The following DMBX1 variants were observed in gnomAD, a reference collection of about 807,000 sequenced individuals.
DMBX1 encodes diencephalon/mesencephalon homeobox 1, also known as diencephalon/mesencephalon homeobox protein 1.
DMBX1 carries 7 observed loss-of-function variants against 30.4 expected under a neutral mutation model. The observed-to-expected ratio is 0.23, with a 90% CI of 0.13 to 0.43. The LOEUF (loss-of-function observed/expected upper bound fraction) is 0.43. Ranked by LOEUF, DMBX1 falls within the 20% of genes least tolerant of loss-of-function variation. The pLI, the probability that DMBX1 is intolerant of heterozygous loss-of-function variation, is 1.00. For missense variants in DMBX1, 460 were observed against 508.5 expected (o/e 0.90, Z 0.92); for synonymous variants, 222 against 214.2 (o/e 1.04, Z -0.32).
rs1181616678 is a variant in DMBX1, at chr1:46,493,789, A to G, written c.-13+3006A>G. Among the ~76,000 whole-genome samples the G allele has an allele frequency of 6.6e-6, 1 of 152,192 alleles. No individual in the cohort carries two copies. Among genetic ancestry groups the G allele is most frequent in the East Asian group, 1.9e-4 (1 of 5,184 alleles). On this transcript the variant is annotated intron_variant, in intron 2 of 5. Coordinates refer to ENST00000360032, the MANE Select transcript of DMBX1 (RefSeq NM_172225.2). The surrounding 1 kb of genome is among the most constrained non-coding windows in gnomAD (Gnocchi z 4.1). ...TACATCTGTCAGTGTGCAGAGCAGG[A>G]GCCGCAACCGCGCTTTCTGCGCCCG...
At chr1:46,501,250 C>CTTTCTTTCT (rs1666127697) in intron 2 of DMBX1, among the ~76,000 whole-genome samples, 1 of 132,164 alleles carries the variant, frequency 7.6e-6, no homozygotes, top group African/African-American at 3.0e-5. Context: ...TTCTTTCTTT[C>CTTTCTTTCT]TTTCTTTCTT....
chr1:46,505,527 A>C, intron 2 of DMBX1, among the ~76,000 whole-genome samples: 1 of 146,492 alleles, frequency 6.8e-6, no homozygotes, highest in Non-Finnish European at 1.5e-5. Flanking sequence ...GCATATTCTC[A>C]CTCATAGGTG....
rs1665967740 is a variant in DMBX1, at chr1:46,493,387, C to T, written c.-13+2604C>T. The stretch of plus-strand genomic sequence containing the variant: ...CCGAGCTGGGCTCTCCAATGTCCAG[C>T]CCTCCCGCCGTTCAGTGGCCTCTCT... On this transcript the variant is annotated intron_variant, in intron 2 of 5. Coordinates refer to ENST00000360032, the MANE Select transcript of DMBX1 (RefSeq NM_172225.2). The surrounding 1 kb of genome is among the most constrained non-coding windows in gnomAD (Gnocchi z 4.1). Among the ~76,000 whole-genome samples, 1 of 152,202 alleles carries T rather than the reference C, an allele frequency of 6.6e-6. No homozygotes were observed. Among genetic ancestry groups the T allele is most frequent in the Admixed American group, 6.5e-5 (1 of 15,276 alleles).
rs1220037373 is a variant in DMBX1 at position 46,513,469 on chromosome 1, G to T, written c.*975G>T. On this transcript the variant is annotated 3_prime_UTR_variant, in exon 6 of 6. Coordinates refer to ENST00000360032, the MANE Select transcript of DMBX1 (RefSeq NM_172225.2). Reference sequence around the variant, plus strand: ...TCAATTTTGAGGTCCTCATTCCCAAGATTGAGGAGGCAGTAGTTAATCTGG... The same window carrying T: ...TCAATTTTGAGGTCCTCATTCCCAATATTGAGGAGGCAGTAGTTAATCTGG... 6.6e-6 allele frequency: 1 copy of T among 152,216 alleles called. No homozygotes were observed. Among genetic ancestry groups the T allele is most frequent in the Non-Finnish European group, 1.5e-5 (1 of 68,052 alleles). The allele number at this position is 152,216 out of a possible 1,614,324, so 9.4% of individuals were successfully genotyped here.
intron 3 of DMBX1, among the ~76,000 whole-genome samples, chr1:46,508,043 C>T (rs894488557): frequency 1.3e-5 from 2 of 151,954 alleles, no homozygotes; most frequent in Admixed American, 6.6e-5. Context: ...GCCAGCCTCT[C>T]GGTGGGTGAG....
intron 5 of DMBX1, 22 bp downstream of exon 5, chr1:46,511,305 G>A: frequency 1.3e-6 from 2 of 1,512,938 alleles, no homozygotes; most frequent in Non-Finnish European, 1.8e-6. Context: ...GGGGTACCAT[G>A]GGAGGGCTGG....
intron 2 of DMBX1, among the ~76,000 whole-genome samples, chr1:46,499,417 G>A (rs1030224919): frequency 6.6e-6 from 1 of 152,222 alleles, no homozygotes; most frequent in Admixed American, 6.5e-5. Flanking sequence ...ATATGCTGGG[G>A]AAAGATCCTG....
intron 2 of DMBX1, among the ~76,000 whole-genome samples, chr1:46,494,288 C>T (rs1233982081): frequency 6.6e-6 from 1 of 152,238 alleles, no homozygotes; most frequent in Non-Finnish European, 1.5e-5. Context: ...TTTCCCTTTC[C>T]TGGCTGCATT....
chr1:46,489,915 A>G (rs4333800), intron 1 of DMBX1, among the ~76,000 whole-genome samples, 38 bp downstream of exon 1: 36,705 of 152,004 alleles, frequency 0.24, 4,775 homozygotes, highest in East Asian at 0.5. Flanking sequence ...AGCCGGGAGT[A>G]GTGCGGGACA....
At chr1:46,496,125 A>G (rs1165698725) in intron 2 of DMBX1, among the ~76,000 whole-genome samples, 1 of 152,142 alleles carries the variant, frequency 6.6e-6, no homozygotes, top group East Asian at 1.9e-4. Context: ...AGTGCCTGAT[A>G]CTGACAGGAG....
chr1:46,496,108 A>G (rs989758658), intron 2 of DMBX1, among the ~76,000 whole-genome samples: 59 of 152,134 alleles, frequency 3.9e-4, no homozygotes, highest in African/African-American at 1.4e-3. Context: ...GGCTTTCTGC[A>G]CCTTTGAGTG....
intron 2 of DMBX1, among the ~76,000 whole-genome samples, chr1:46,504,143 A>T (rs926985104): frequency 1.3e-5 from 2 of 150,774 alleles, no homozygotes; most frequent in Non-Finnish European, 3.0e-5. Context: ...GGTTGCAAAA[A>T]TTTTCTCCCA....
chr1:46,502,560 T>G (rs11801991), intron 2 of DMBX1, among the ~76,000 whole-genome samples: 4,051 of 152,234 alleles, frequency 0.027, 171 homozygotes, highest in African/African-American at 0.092. Context: ...TCTGCAGTTT[T>G]TTCTCTGTAT....
intron 2 of DMBX1, among the ~76,000 whole-genome samples, chr1:46,499,913 GTCA>G (rs1666092081): frequency 6.6e-6 from 1 of 152,154 alleles, no homozygotes; most frequent in South Asian, 2.1e-4. Flanking sequence ...TGTTGTTGTT[GTCA>G]TCATTGTGAT....
chr1:46,504,246 T>C (rs901645554), intron 2 of DMBX1, among the ~76,000 whole-genome samples: 31 of 145,676 alleles, frequency 2.1e-4, no homozygotes, highest in Non-Finnish European at 2.8e-4. Flanking sequence ...ATTTTGGCTT[T>C]TGTTGCCATT....
In DMBX1 at chr1:46,514,941, T is replaced by C. The variant is rs1489669205; in HGVS notation, c.*2447T>C. Among the ~76,000 whole-genome samples, 2 of 152,020 alleles carry C rather than the reference T, an allele frequency of 1.3e-5. No homozygotes were observed. The highest frequency in any genetic ancestry group is 2.9e-5 in the Non-Finnish European group (2 of 67,984). On this transcript the variant is annotated 3_prime_UTR_variant, in exon 6 of 6. Transcript: ENST00000360032. ...ACAAAGCAGCAGAGATGAGACTCAG[T>C]AGACCATGGGAAGGGGGTGGCTGGC...
At chr1:46,506,342 G>A (rs1427590514) in intron 2 of DMBX1, among the ~76,000 whole-genome samples, 1 of 152,260 alleles carries the variant, frequency 6.6e-6, no homozygotes, top group Non-Finnish European at 1.5e-5. Flanking sequence ...ACAGGCATGA[G>A]CCACTGTGCC....
At chr1:46,507,248 C>T in intron 3 of DMBX1, 84 bp downstream of exon 3, 1 of 1,540,194 alleles carries the variant, frequency 6.5e-7, no homozygotes. Flanking sequence ...GGAGAGGGAG[C>T]ACTGGCCAAG....
intron 5 of DMBX1, 29 bp downstream of exon 5, chr1:46,511,312 C>T (rs971559637): frequency 1.4e-5 from 21 of 1,499,170 alleles, no homozygotes; most frequent in Middle Eastern, 4.2e-4. Flanking sequence ...CATGGGAGGG[C>T]TGGGGTCTGG....
Sources: allele counts gnomAD v4.1 joint callset (sites outside exome capture counted in the v4.1 genomes callset), GRCh38; gene constraint gnomAD v4.1.1; non-coding constraint Gnocchi (gnomAD v3.1); transcripts MANE v1.5; gene names NCBI Gene and HGNC (gene_info 2026-07-23, HGNC 2026-07-21).